The following PTPRG variants were observed in gnomAD, a reference collection of about 807,000 sequenced individuals.
PTPRG encodes the protein protein tyrosine phosphatase receptor type G, also known as receptor-type tyrosine-protein phosphatase gamma.
In PTPRG, 102 loss-of-function variants were observed where a neutral mutation model predicts 165.3. That is an observed-to-expected ratio of 0.62 (90% confidence interval 0.53 to 0.73). The LOEUF (loss-of-function observed/expected upper bound fraction) is 0.73. Ranked by LOEUF, PTPRG falls within the 30% of genes least tolerant of loss-of-function variation. The pLI is 0.00. For synonymous variants in PTPRG, 675 were observed against 669.5 expected (o/e 1.01, Z -0.13); for missense variants, 1,866 against 1,861.4 (o/e 1.00, Z -0.05).
chr3:61,850,581 C>G (rs1339590691), intron 2 of PTPRG, among the ~76,000 whole-genome samples: 1 of 152,154 alleles, frequency 6.6e-6, no homozygotes, highest in African/African-American at 2.4e-5. Flanking sequence ...TGTTAATCTT[C>G]TTCAATTTGT....
chr3:61,760,559 G>T (rs1030743218), intron 2 of PTPRG, among the ~76,000 whole-genome samples: 1 of 152,038 alleles, frequency 6.6e-6, no homozygotes, highest in Admixed American at 6.6e-5. Context: ...GACTTGGTAG[G>T]GTTTTGGGAT....
intron 4 of PTPRG, among the ~76,000 whole-genome samples, chr3:62,023,245 G>A (rs1459394356): frequency 1.3e-5 from 2 of 152,048 alleles, no homozygotes; most frequent in Non-Finnish European, 2.9e-5. Flanking sequence ...CAGATATTGT[G>A]GTTGTCTCCC....
intron 2 of PTPRG, among the ~76,000 whole-genome samples, chr3:61,801,040 G>C (rs906142190): frequency 2.0e-5 from 3 of 152,150 alleles, no homozygotes; most frequent in Non-Finnish European, 2.9e-5. Context: ...CCCCTGCCCT[G>C]GCACCGCCTG....
At position 62,282,789 on chromosome 3, in the gene PTPRG, C is replaced by A; in HGVS notation, c.3975C>A (p.Pro1325=). Residue 1325 remains proline (P), a synonymous_variant, in exon 28 of 30, where the codon CCC becomes CCA. Transcript: ENST00000474889. ...QCPKWPNPDA[P]ISSTFELINV... ...CCAAATGGCCTAACCCAGATGCCCCCATAAGTAGTACCTTTGAACTTATCA... is the reference window on the plus strand; with the variant it reads ...CCAAATGGCCTAACCCAGATGCCCCAATAAGTAGTACCTTTGAACTTATCA... 1 of 1,612,548 alleles carries A rather than the reference C, an allele frequency of 6.2e-7. No homozygotes were observed. Among genetic ancestry groups the A allele is most frequent in the Admixed American group, 1.7e-5 (1 of 59,898 alleles).
At chr3:62,278,345 T>C (rs954927671) in intron 26 of PTPRG, among the ~76,000 whole-genome samples, 1 of 152,068 alleles carries the variant, frequency 6.6e-6, no homozygotes, top group Non-Finnish European at 1.5e-5. Flanking sequence ...TTGTTCCCAC[T>C]TAAAGGTCTT....
At chr3:61,961,874 CT>C (rs2040160025) in intron 2 of PTPRG, among the ~76,000 whole-genome samples, 1 of 152,112 alleles carries the variant, frequency 6.6e-6, no homozygotes, top group African/African-American at 2.4e-5. Flanking sequence ...TTTATCAGGC[CT>C]TCCAGGTGAT....
At chr3:61,799,071 T>C (rs573660936) in intron 2 of PTPRG, among the ~76,000 whole-genome samples, 1 of 152,310 alleles carries the variant, frequency 6.6e-6, no homozygotes, top group East Asian at 1.9e-4. Context: ...AGAACTCTAC[T>C]ATTTTCATAA....
chr3:61,604,274 A>G (rs1700941101), intron 1 of PTPRG, among the ~76,000 whole-genome samples: 1 of 152,232 alleles, frequency 6.6e-6, no homozygotes, highest in Non-Finnish European at 1.5e-5. Flanking sequence ...CAGTGAGCAG[A>G]GATTGCACCA....
intron 2 of PTPRG, among the ~76,000 whole-genome samples, chr3:61,836,591 AG>A (rs1438359264): frequency 6.6e-6 from 1 of 152,202 alleles, no homozygotes; most frequent in African/African-American, 2.4e-5. Flanking sequence ...GGCCTGAACT[AG>A]GAATATCAGA....
chr3:62,170,580 C>T (rs1214042610), intron 8 of PTPRG, among the ~76,000 whole-genome samples: 2 of 152,186 alleles, frequency 1.3e-5, no homozygotes, highest in Non-Finnish European at 2.9e-5. Flanking sequence ...CGATCTTCCA[C>T]TGAACGGGCC....
chr3:62,204,962 C>G (rs1224145019), intron 12 of PTPRG, among the ~76,000 whole-genome samples: 1 of 151,724 alleles, frequency 6.6e-6, no homozygotes, highest in Non-Finnish European at 1.5e-5. Context: ...AGATGTTTAG[C>G]AACAATTTTT....
At chr3:61,774,215 G>A (rs928152138) in intron 2 of PTPRG, among the ~76,000 whole-genome samples, 2 of 152,196 alleles carry the variant, frequency 1.3e-5, no homozygotes, top group African/African-American at 4.8e-5. Flanking sequence ...AGTACAAAGT[G>A]CAGATGAGTT....
At chr3:61,641,309 T>G (rs1702053260) in intron 1 of PTPRG, among the ~76,000 whole-genome samples, 1 of 152,296 alleles carries the variant, frequency 6.6e-6, no homozygotes, top group Admixed American at 6.5e-5. Context: ...TGGAAACAGA[T>G]GAAGTCCCTG....
rs11329820 is a variant in PTPRG, at chr3:61,820,603, G to GTTTTTTTT, written c.190+71640_190+71647dup. On this transcript the variant is annotated intron_variant, in intron 2 of 29. Coordinates refer to ENST00000474889, the MANE Select transcript of PTPRG (RefSeq NM_002841.4). ...TTTAATTTCTTGTTCCTGTGTCTCT[G>GTTTTTTTT]TTTTTTTTTTTTTTTTTTTTTTTTT... Among the ~76,000 whole-genome samples, 332 of 65,724 alleles carry GTTTTTTTT rather than the reference G, an allele frequency of 5.1e-3. 14 individuals are homozygous for GTTTTTTTT. The highest frequency in any genetic ancestry group is 6.7e-3 in the Non-Finnish European group (241 of 36,160). The allele number at this position is 65,724 out of a possible 152,430, so 43.1% of individuals were successfully genotyped here.
In PTPRG at chr3:61,890,005, A is replaced by G. The variant is rs189932309; in HGVS notation, c.191-99620A>G. ...GCAAGTATTCTGTTAAGGGGCCTCC[A>G]AATCAAGAGATTTTGCACATAACTA... is the stretch of plus-strand genomic sequence containing the variant. On this transcript the variant is annotated intron_variant, in intron 2 of 29. Coordinates refer to ENST00000474889, the MANE Select transcript of PTPRG (RefSeq NM_002841.4). 5.0e-4 allele frequency among the ~76,000 whole-genome samples: 76 copies of G among 152,342 alleles called. 1 individual carries two copies. The East Asian group carries it at 0.013, about 26-fold the overall frequency.
In PTPRG at chr3:62,203,402, C is replaced by T. The variant is rs149063170; in HGVS notation, c.1607C>T (p.Thr536Met). 8.9e-4 allele frequency: 1,435 copies of T among 1,612,920 alleles called. 3 individuals carry two copies. The highest frequency in any genetic ancestry group is 1.8e-3 in the Middle Eastern group (11 of 6,058). ...TCTTTCCCCAGCACTGTGTGGCCCA[C>T]GCGCCTCCCGACGGCCGCCTCAGCC... ...ISSFPSTVWPTRLPTAASASK... is the reference protein window; with the variant it reads ...ISSFPSTVWPMRLPTAASASK... Residue 536 changes from threonine to methionine, a missense_variant, in exon 12 of 30, where the codon ACG (threonine) becomes ATG (methionine). By Grantham distance (81) the Thr-to-Met change is moderately conservative. This residue lies in a region of PTPRG where 1,452 missense variants were observed against 1,463.0 expected (regional missense o/e 0.99). Transcript: ENST00000474889. The surrounding 1 kb of genome is among the most constrained non-coding windows in gnomAD (Gnocchi z 6.4).
chr3:61,682,757 C>T (rs752840204), intron 1 of PTPRG, among the ~76,000 whole-genome samples: 6 of 152,200 alleles, frequency 3.9e-5, no homozygotes, highest in Non-Finnish European at 5.9e-5. Flanking sequence ...ACATTATAAT[C>T]ATCACCACAA....
At chr3:61,811,983 A>T (rs900632868) in intron 2 of PTPRG, among the ~76,000 whole-genome samples, 1 of 152,180 alleles carries the variant, frequency 6.6e-6, no homozygotes, top group African/African-American at 2.4e-5. Context: ...AATTAAATTT[A>T]TTAGTAGGCC....
chr3:61,887,633 C>T (rs1407089167), intron 2 of PTPRG, among the ~76,000 whole-genome samples: 1 of 151,842 alleles, frequency 6.6e-6, no homozygotes, highest in Non-Finnish European at 1.5e-5. Flanking sequence ...ACAGTAATCA[C>T]ATTACGTGGT....
Sources: gnomAD v4.1 joint callset for allele counts (sites outside exome capture counted in the v4.1 genomes callset) on GRCh38, gnomAD v4.1.1 for gene constraint, gnomAD v4.1.1 regional missense constraint, Gnocchi (gnomAD v3.1) non-coding constraint, MANE v1.5 for transcripts, NCBI Gene and HGNC (gene_info 2026-07-23, HGNC 2026-07-21) for gene names.